Variants in SCARA3 observed in about 807,000 individuals in gnomAD.
SCARA3 encodes scavenger receptor class A member 3.
In SCARA3, 39 loss-of-function variants were observed where a neutral mutation model predicts 47.0. That is an observed-to-expected ratio of 0.83 (90% confidence interval 0.64 to 1.08). SCARA3 has a LOEUF of 1.08. SCARA3 is among the 50% of genes least tolerant of loss of function. The pLI is 0.00. For synonymous variants in SCARA3, 356 were observed against 334.1 expected, an observed-to-expected ratio of 1.07 and a Z score of -0.71; for missense variants, 724 against 792.3, an observed-to-expected ratio of 0.91 and a Z score of 1.04.
the SCARA3 span, chr8:27,697,592 G>C: frequency 6.6e-6 from 1 of 152,176 alleles, no homozygotes; most frequent in African/African-American, 2.4e-5. Flanking sequence ...GAACCCTCCC[G>C]ATATGGTTTG....
the SCARA3 span, among the ~76,000 whole-genome samples, chr8:27,711,717 TATC>T: frequency 8.5e-5 from 13 of 152,126 alleles, no homozygotes; most frequent in South Asian, 2.1e-4. Flanking sequence ...AACAAAAACT[TATC>T]ATAATTTAAA....
the SCARA3 span, among the ~76,000 whole-genome samples, chr8:27,722,266 G>C: frequency 6.6e-6 from 1 of 152,142 alleles, no homozygotes; most frequent in East Asian, 1.9e-4. Flanking sequence ...AAGCTTGCAA[G>C]TATTGTGCAA....
At chr8:27,668,429 A>G (rs369443275) in intron 5 of SCARA3, among the ~76,000 whole-genome samples, 13 of 150,022 alleles carry the variant, frequency 8.7e-5, no homozygotes, top group African/African-American at 2.7e-4. Context: ...AGTCCCAGCT[A>G]CTCGGGAGGC....
the SCARA3 span, among the ~76,000 whole-genome samples, chr8:27,729,816 A>C: frequency 6.6e-6 from 1 of 152,178 alleles, no homozygotes; most frequent in Non-Finnish European, 1.5e-5. Context: ...AAAATTAAAA[A>C]TATAAACAAT....
the SCARA3 span, among the ~76,000 whole-genome samples, chr8:27,718,670 G>A: frequency 6.6e-6 from 1 of 152,192 alleles, no homozygotes; most frequent in South Asian, 2.1e-4. Flanking sequence ...TATCAGATAT[G>A]GAGATGTAGC....
chr8:27,638,891 G>A (rs1003422206), intron 1 of SCARA3, among the ~76,000 whole-genome samples: 5 of 152,114 alleles, frequency 3.3e-5, no homozygotes, highest in African/African-American at 7.2e-5. Context: ...GCTGTTCTTC[G>A]AAATGCGTCC....
At chr8:27,698,314 G>T in the SCARA3 span, among the ~76,000 whole-genome samples, 6 of 152,142 alleles carry the variant, frequency 3.9e-5, no homozygotes, top group African/African-American at 9.7e-5. Context: ...ACTGACTATT[G>T]TAAGGGAAGA....
chr8:27,700,116 G>T, the SCARA3 span, among the ~76,000 whole-genome samples: 1 of 151,926 alleles, frequency 6.6e-6, no homozygotes, highest in African/African-American at 2.4e-5. Flanking sequence ...AAGAAATATG[G>T]TCATGAAAGT....
the SCARA3 span, among the ~76,000 whole-genome samples, chr8:27,691,357 T>G: frequency 2.6e-5 from 4 of 152,078 alleles, no homozygotes; most frequent in African/African-American, 4.8e-5. Context: ...TCAGAGAGAT[T>G]CTTACTTCCT....
intron 3 of SCARA3, among the ~76,000 whole-genome samples, chr8:27,654,789 C>CAAAAAA (rs539914704): frequency 1.2e-5 from 1 of 86,036 alleles, no homozygotes; most frequent in African/African-American, 4.6e-5. Context: ...GACTGTCTCA[C>CAAAAAA]AAAAAAAAAA....
the SCARA3 span, among the ~76,000 whole-genome samples, chr8:27,729,913 G>A: frequency 1.3e-5 from 2 of 152,166 alleles, no homozygotes; most frequent in Admixed American, 1.3e-4. Flanking sequence ...TCCTTCAGTA[G>A]ACAGTGCATT....
intron 1 of SCARA3, among the ~76,000 whole-genome samples, chr8:27,636,066 G>A (rs1183543125): frequency 6.6e-6 from 1 of 152,206 alleles, no homozygotes; most frequent in African/African-American, 2.4e-5. Flanking sequence ...GGGAGCACCT[G>A]GCAGGCAGTG....
chr8:27,664,358 C>G (rs188503763), intron 5 of SCARA3, among the ~76,000 whole-genome samples: 2 of 152,190 alleles, frequency 1.3e-5, no homozygotes, highest in African/African-American at 4.8e-5. Context: ...TTCAGCCTCA[C>G]GACAACCCTT....
chr8:27,691,244 A>G, the SCARA3 span, among the ~76,000 whole-genome samples: 1 of 152,060 alleles, frequency 6.6e-6, no homozygotes, highest in Admixed American at 6.5e-5. Flanking sequence ...GGGAAAGCCT[A>G]GGAATTCATC....
At chr8:27,726,329 C>G in the SCARA3 span, among the ~76,000 whole-genome samples, 1 of 152,124 alleles carries the variant, frequency 6.6e-6, no homozygotes, top group Non-Finnish European at 1.5e-5. Context: ...TTGTTTGAGC[C>G]CAGGAGTTCA....
chr8:27,638,341 T>A (rs1486390994), intron 1 of SCARA3, among the ~76,000 whole-genome samples: 1 of 144,466 alleles, frequency 6.9e-6, no homozygotes, highest in Non-Finnish European at 1.6e-5. Context: ...TGTGTGTGTG[T>A]GTGTGTAGAG....
At chr8:27,695,127 C>T in the SCARA3 span, among the ~76,000 whole-genome samples, 7 of 152,134 alleles carry the variant, frequency 4.6e-5, no homozygotes, top group African/African-American at 1.4e-4. Context: ...CCATTAACAC[C>T]TTGTTAATAT....
chr8:27,672,341 T>C lies in SCARA3; in HGVS notation c.*990T>C, dbSNP rs1239953695. 2.3e-5 allele frequency: 23 copies of C among 985,304 alleles called. No individual in the cohort carries two copies. Among genetic ancestry groups the C allele is most frequent in the Non-Finnish European group, 2.8e-5 (23 of 829,964 alleles). 61.0% of individuals were successfully genotyped at this position (985,304 alleles called of 1,614,324 possible). On this transcript the variant is annotated 3_prime_UTR_variant, in exon 6 of 6. Coordinates refer to ENST00000301904, the MANE Select transcript of SCARA3 (RefSeq NM_016240.3). ...GGGCACTCTGCAGGCCCTGGAACAT[T>C]GGGCCTGAGTGGAGATGGGAGACAG... is the stretch of plus-strand genomic sequence containing the variant.
chr8:27,651,378 C>G, intron 2 of SCARA3, 130 bp from the exon 3 acceptor site: 1 of 1,127,542 alleles, frequency 8.9e-7, no homozygotes, highest in Non-Finnish European at 1.2e-6. Flanking sequence ...GAATGAGGGT[C>G]GAGAACAGCT....
Sources: gnomAD v4.1 joint callset for allele counts (sites outside exome capture counted in the v4.1 genomes callset) on GRCh38, gnomAD v4.1.1 for gene constraint, MANE v1.5 for transcripts, NCBI Gene and HGNC (gene_info 2026-07-23, HGNC 2026-07-21) for gene names.